Variants in SLC9A2 observed in about 807,000 individuals in gnomAD.
SLC9A2 encodes the protein solute carrier family 9 member A2, also known as sodium/hydrogen exchanger 2.
A neutral mutation model predicts 71.7 loss-of-function variants in SLC9A2; 42 were observed. The ratio of observed to expected loss-of-function variants is 0.59; its 90% confidence interval spans 0.46 to 0.76. The LOEUF (loss-of-function observed/expected upper bound fraction) is 0.76. Ranked by LOEUF, SLC9A2 falls within the 30% of genes least tolerant of loss-of-function variation. SLC9A2 has a pLI of 0.00. For missense variants in SLC9A2, 829 were observed against 1,017.4 expected (o/e 0.81, Z 2.52); for synonymous variants, 396 against 392.5 (o/e 1.01, Z -0.10).
intron 5 of SLC9A2, among the ~76,000 whole-genome samples, chr2:102,692,624 C>A (rs1677685976): frequency 6.6e-6 from 1 of 152,182 alleles, no homozygotes; most frequent in Non-Finnish European, 1.5e-5. Flanking sequence ...AGTATATTTA[C>A]TGACAGTTCA....
intron 4 of SLC9A2, among the ~76,000 whole-genome samples, chr2:102,683,741 CT>C (rs1314777557): frequency 9.2e-6 from 1 of 108,696 alleles, no homozygotes; most frequent in Non-Finnish European, 2.0e-5. Context: ...CTCCATCCTC[CT>C]GTTTCTCTTT....
chr2:102,668,886 C>G (rs1330562307), intron 3 of SLC9A2, among the ~76,000 whole-genome samples: 2 of 152,170 alleles, frequency 1.3e-5, no homozygotes, highest in Non-Finnish European at 2.9e-5. Flanking sequence ...AGCTTTGTTG[C>G]CTCTTGGGCA....
Position 102,702,470 on chromosome 2 carries a change from T to G in SLC9A2, c.1813T>G (p.Leu605Val), listed in dbSNP as rs1156952636. Residue 605 changes from leucine to valine, a missense_variant, in exon 9 of 12, where the codon TTA (leucine) becomes GTA (valine). Transcript: ENST00000233969. ...TGAAACTGATGAAATTCGAGAACTCTTATCAAGAAATCTCTATCAAATCCG... is the reference window on the plus strand; with the variant it reads ...TGAAACTGATGAAATTCGAGAACTCGTATCAAGAAATCTCTATCAAATCCG... ...SSETDEIREL[L>V]SRNLYQIRQR... 5.0e-6 allele frequency: 8 copies of G among 1,600,916 alleles called. No individual in the cohort carries two copies. The highest frequency in any genetic ancestry group is 6.0e-6 in the Non-Finnish European group (7 of 1,173,554).
chr2:102,692,572 C>T lies in SLC9A2; in HGVS notation c.1426-1842C>T, dbSNP rs185331707. Among the ~76,000 whole-genome samples the T allele has an allele frequency of 1.8e-3, 278 of 152,260 alleles. 1 individual carries two copies. The highest frequency in any genetic ancestry group is 6.5e-3 in the African/African-American group (269 of 41,538). On this transcript the variant is annotated intron_variant, in intron 5 of 11. Coordinates refer to ENST00000233969, the MANE Select transcript of SLC9A2 (RefSeq NM_003048.6). ...ACTTGGGAATCTTGACTCTCACCCC[C>T]TCCTTACCTGCCCTATTTTGTGCCA...
intron 1 of SLC9A2, among the ~76,000 whole-genome samples, chr2:102,651,526 T>C (rs560843872): frequency 6.6e-6 from 1 of 152,196 alleles, no homozygotes; most frequent in Non-Finnish European, 1.5e-5. Context: ...CATTCAGGGC[T>C]TTGTTCAGGT....
At chr2:102,690,888 T>C (rs1309871143) in intron 5 of SLC9A2, among the ~76,000 whole-genome samples, 1 of 148,810 alleles carries the variant, frequency 6.7e-6, no homozygotes, top group Admixed American at 6.8e-5. Flanking sequence ...CAAGGAAATA[T>C]AAGTTTCTCT....
rs562984446 is a variant in SLC9A2, at chr2:102,646,315, A to G, written c.290-11249A>G. Among the ~76,000 whole-genome samples, 180 of 152,322 alleles carry G rather than the reference A, an allele frequency of 1.2e-3. 3 individuals are homozygous for G. Among genetic ancestry groups the G allele is most frequent in the African/African-American group, 4.2e-3 (174 of 41,568 alleles). On this transcript the variant is annotated intron_variant, in intron 1 of 11. Coordinates refer to ENST00000233969, the MANE Select transcript of SLC9A2 (RefSeq NM_003048.6). ...CTCCTGAAGGAAGCACTAAATATGGAAAGGAAAAACCAGTACAGGCCACTG... is the reference window on the plus strand; with the variant it reads ...CTCCTGAAGGAAGCACTAAATATGGGAAGGAAAAACCAGTACAGGCCACTG...
At chr2:102,700,300 A>C (rs1000581313) in intron 7 of SLC9A2, among the ~76,000 whole-genome samples, 1 of 152,210 alleles carries the variant, frequency 6.6e-6, no homozygotes, top group Non-Finnish European at 1.5e-5. Context: ...GGTCATTGGC[A>C]TAGAGATGCT....
At chr2:102,653,007 C>G (rs1266112449) in intron 1 of SLC9A2, among the ~76,000 whole-genome samples, 1 of 152,112 alleles carries the variant, frequency 6.6e-6, no homozygotes, top group African/African-American at 2.4e-5. Flanking sequence ...TTTAAGAAGC[C>G]TTCTTTTGTT....
intron 1 of SLC9A2, among the ~76,000 whole-genome samples, chr2:102,641,884 A>G (rs904620141): frequency 8.9e-6 from 1 of 112,252 alleles, no homozygotes. Flanking sequence ...AACATCACAC[A>G]CCAGGGCCTG....
chr2:102,666,160 G>C (rs368754391), intron 3 of SLC9A2, among the ~76,000 whole-genome samples: 2 of 151,072 alleles, frequency 1.3e-5, no homozygotes, highest in Non-Finnish European at 2.9e-5. Flanking sequence ...CAAAATCAGC[G>C]AATGAGAGTT....
intron 3 of SLC9A2, among the ~76,000 whole-genome samples, chr2:102,680,522 A>G (rs2104537410): frequency 6.6e-6 from 1 of 152,174 alleles, no homozygotes. Context: ...TTTCACGTCA[A>G]GTCAGTGTGA....
At chr2:102,654,195 CTTTTTTTTTT>C (rs34248413) in intron 1 of SLC9A2, among the ~76,000 whole-genome samples, 1 of 89,528 alleles carries the variant, frequency 1.1e-5, no homozygotes, top group African/African-American at 4.7e-5. Flanking sequence ...TTGGCTGACT[CTTTTTTTTTT>C]TTTTTTTTTT....
chr2:102,687,781 G>T (rs562861052), intron 5 of SLC9A2, among the ~76,000 whole-genome samples: 1 of 150,690 alleles, frequency 6.6e-6, no homozygotes, highest in South Asian at 2.1e-4. Context: ...GCTGTTTGGG[G>T]AATTTTTTTT....
At chr2:102,623,422 G>A (rs1676182492) in intron 1 of SLC9A2, among the ~76,000 whole-genome samples, 1 of 152,150 alleles carries the variant, frequency 6.6e-6, no homozygotes, top group Non-Finnish European at 1.5e-5. Flanking sequence ...AGCTTCCCCT[G>A]TGTTCCTAGA....
Position 102,684,150 on chromosome 2 carries a change from T to A in SLC9A2, c.1239T>A (p.Thr413=), listed in dbSNP as rs1465037266. 1.2e-6 allele frequency: 2 copies of A among 1,614,124 alleles called. No homozygotes were observed. The highest frequency in any genetic ancestry group is 2.2e-5 in the South Asian group (2 of 91,082). ...MWRALGVFVL[T]QVINRFRTIP... ...TCTTTGCAGGTGTTTTTGTCCTGAC[T>A]CAGGTCATTAATAGGTTCCGGACCA... The change falls in exon 5 of 12, where the codon ACT becomes ACA. Residue 413 remains threonine, a synonymous_variant. Transcript: ENST00000233969.
At position 102,665,199 on chromosome 2, in the gene SLC9A2, G is replaced by T; in HGVS notation, c.853G>T (p.Gly285Trp). 6.2e-7 allele frequency: 1 copy of T among 1,614,104 alleles called. No homozygotes were observed. Among genetic ancestry groups the T allele is most frequent in the Non-Finnish European group, 8.5e-7 (1 of 1,180,014 alleles). ...CAACTTCTTTGTTGTGGGAATCGGT[G>T]GGGTGCTGATTGGCATCTTCTTGGG... ...IANFFVVGIG[G>W]VLIGIFLGFI... The change falls in exon 3 of 12, where the codon GGG becomes TGG. Residue 285 changes from glycine (G) to tryptophan (W), a missense_variant. Gly to Trp is a radical substitution (Grantham distance 184). This residue lies in a region of SLC9A2 where 500 missense variants were observed against 726.3 expected (regional missense o/e 0.69). Coordinates refer to ENST00000233969, the MANE Select transcript of SLC9A2 (RefSeq NM_003048.6).
At chr2:102,653,289 A>G (rs1174933370) in intron 1 of SLC9A2, among the ~76,000 whole-genome samples, 1 of 152,246 alleles carries the variant, frequency 6.6e-6, no homozygotes, top group Non-Finnish European at 1.5e-5. Context: ...CTGAGTACTC[A>G]TAAAAGAAAG....
At chr2:102,682,879 C>T (rs927414950) in intron 3 of SLC9A2, among the ~76,000 whole-genome samples, 2 of 152,086 alleles carry the variant, frequency 1.3e-5, no homozygotes, top group African/African-American at 4.8e-5. Flanking sequence ...AGGAACAGGG[C>T]ATATGTGGGA....
Sources: gnomAD v4.1 joint callset for allele counts (sites outside exome capture counted in the v4.1 genomes callset) on GRCh38, gnomAD v4.1.1 for gene constraint, gnomAD v4.1.1 regional missense constraint, MANE v1.5 for transcripts, NCBI Gene and HGNC (gene_info 2026-07-23, HGNC 2026-07-21) for gene names.